MR1: variants seen among roughly 807,000 people sequenced by gnomAD.
MR1 encodes the protein major histocompatibility complex, class I-related.
In MR1, 44 loss-of-function variants were observed where a neutral mutation model predicts 37.8. That is an observed-to-expected ratio of 1.16 (90% CI 0.91 to 1.50). The LOEUF is 1.50. Among genes scored for constraint, MR1 ranks in the 40% most tolerant of loss-of-function variants. The pLI, the probability that MR1 is intolerant of heterozygous loss-of-function variation, is 0.00. For missense variants in MR1, 386 were observed against 419.1 expected (o/e 0.92, Z 0.69); for synonymous variants, 153 against 155.8 (o/e 0.98, Z 0.13).
At chr1:181,044,161 C>T (rs1266072935) in intron 1 of MR1, among the ~76,000 whole-genome samples, 1 of 152,010 alleles carries the variant, frequency 6.6e-6, no homozygotes, top group Non-Finnish European at 1.5e-5. Context: ...GACGGGGTTT[C>T]ACCATGTTAG....
chr1:181,034,117 G>A (rs1657151647), intron 1 of MR1, 43 bp downstream of exon 1: 1 of 1,584,200 alleles, frequency 6.3e-7, no homozygotes, highest in African/African-American at 1.4e-5. Context: ...CCAAAGTCGA[G>A]GCAGCCTAGA....
intron 1 of MR1, among the ~76,000 whole-genome samples, chr1:181,047,138 G>A (rs368200776): frequency 2.0e-5 from 3 of 152,188 alleles, no homozygotes; most frequent in African/African-American, 4.8e-5. Context: ...TTGGACAAGC[G>A]GAGAGAAGTT....
At chr1:181,035,720 C>G (rs552781063) in intron 1 of MR1, among the ~76,000 whole-genome samples, 1 of 152,258 alleles carries the variant, frequency 6.6e-6, no homozygotes, top group Non-Finnish European at 1.5e-5. Flanking sequence ...CTAGATTTTT[C>G]TCTAGGCCTA....
chr1:181,045,416 A>G (rs1176122972), intron 1 of MR1, among the ~76,000 whole-genome samples: 3 of 151,784 alleles, frequency 2.0e-5, no homozygotes, highest in African/African-American at 7.3e-5. Flanking sequence ...TCTGCCCGTG[A>G]CGCCTGTCAC....
chr1:181,039,484 C>T (rs1479747534), intron 1 of MR1, among the ~76,000 whole-genome samples: 1 of 152,180 alleles, frequency 6.6e-6, no homozygotes, highest in Non-Finnish European at 1.5e-5. Flanking sequence ...ACTGTAAGTT[C>T]CTGGAGGAAA....
At position 181,059,854 on chromosome 1, in the gene MR1, G is replaced by C. The variant is rs927581004; in HGVS notation, c.*4589G>C. The C allele has an allele frequency of 3.3e-5, 5 of 152,232 alleles. No individual in the cohort carries two copies. The highest frequency in any genetic ancestry group is 2.0e-4 in the Admixed American group (3 of 15,284). The allele number at this position is 152,232 out of a possible 1,614,324, so 9.4% of individuals were successfully genotyped here. Reference sequence around the variant, plus strand: ...CCAACACTCAATAGGAAGATTGTCAGAGTTACATTGTAAGAAGAGCATGTA... The same window carrying C: ...CCAACACTCAATAGGAAGATTGTCACAGTTACATTGTAAGAAGAGCATGTA... On this transcript the variant is annotated 3_prime_UTR_variant, in exon 6 of 6. Transcript: ENST00000367580.
At chr1:181,050,390 C>T (rs192945085) in intron 3 of MR1, 104 bp downstream of exon 3, 4 of 1,441,512 alleles carry the variant, frequency 2.8e-6, no homozygotes, top group Non-Finnish European at 3.8e-6. Context: ...AAAGCCATCT[C>T]TTTAGTTGGC....
In MR1 at chr1:181,034,087, C is replaced by T. The variant is rs549247360; in HGVS notation, c.67+13C>T. On this transcript the variant is annotated intron_variant, in intron 1 of 5. Coordinates refer to ENST00000367580, the MANE Select transcript of MR1 (RefSeq NM_001385161.1). ...CACAGCGATTCCCGTGAGTATCCCA[C>T]GTCCTCTTCTCTCCTAACTCCAAAG... The T allele has an allele frequency of 7.3e-4, 1,178 of 1,609,796 alleles. 17 individuals are homozygous for T. In the South Asian group the frequency reaches 0.012, roughly 16 times the overall value.
intron 1 of MR1, among the ~76,000 whole-genome samples, chr1:181,048,776 C>T (rs1229376879): frequency 2.6e-5 from 4 of 152,198 alleles, no homozygotes; most frequent in Non-Finnish European, 5.9e-5. Context: ...TAGCAGCACT[C>T]TATATTTTGT....
intron 1 of MR1, among the ~76,000 whole-genome samples, chr1:181,042,617 C>A (rs1193318845): frequency 6.6e-6 from 1 of 151,376 alleles, no homozygotes; most frequent in Non-Finnish European, 1.5e-5. Context: ...GCCTGGCCAA[C>A]GTGGCAAAAA....
chr1:181,050,405 T>A (rs1658245062), intron 3 of MR1, 119 bp downstream of exon 3: 6 of 1,303,940 alleles, frequency 4.6e-6, no homozygotes, highest in Non-Finnish European at 6.4e-6. Flanking sequence ...GTTGGCCTAT[T>A]GTGATCTCAT....
chr1:181,051,802 T>C (rs999231700), intron 3 of MR1, among the ~76,000 whole-genome samples: 3 of 152,194 alleles, frequency 2.0e-5, no homozygotes, highest in African/African-American at 7.2e-5. Flanking sequence ...TGAGTGGGGA[T>C]GGCTGTGTTA....
intron 1 of MR1, among the ~76,000 whole-genome samples, chr1:181,047,137 C>T (rs540725591): frequency 1.3e-5 from 2 of 152,150 alleles, no homozygotes; most frequent in African/African-American, 4.8e-5. Flanking sequence ...CTTGGACAAG[C>T]GGAGAGAAGT....
At chr1:181,043,393 C>T (rs1315675306) in intron 1 of MR1, among the ~76,000 whole-genome samples, 1 of 152,196 alleles carries the variant, frequency 6.6e-6, no homozygotes, top group African/African-American at 2.4e-5. Flanking sequence ...AACTGCTACA[C>T]CCCAGCTCCA....
At chr1:181,038,442 T>C (rs1657385708) in intron 1 of MR1, among the ~76,000 whole-genome samples, 1 of 152,256 alleles carries the variant, frequency 6.6e-6, no homozygotes. Flanking sequence ...CCAGGAATCA[T>C]AATCATTTTG....
At chr1:181,042,319 C>T (rs1330188101) in intron 1 of MR1, among the ~76,000 whole-genome samples, 1 of 151,282 alleles carries the variant, frequency 6.6e-6, no homozygotes, top group African/African-American at 2.4e-5. Context: ...TCTCCTGCCT[C>T]ACCTCCCTAG....
At chr1:181,042,885 A>G (rs1657644483) in intron 1 of MR1, among the ~76,000 whole-genome samples, 1 of 152,176 alleles carries the variant, frequency 6.6e-6, no homozygotes, top group African/African-American at 2.4e-5. Flanking sequence ...AAAGTGTTTC[A>G]CCAACAATTT....
intron 5 of MR1, 138 bp downstream of exon 5, chr1:181,053,815 C>A: frequency 1.6e-6 from 1 of 641,564 alleles, no homozygotes; most frequent in Non-Finnish European, 2.8e-6. Context: ...GGACCTGGGA[C>A]AACCCTCCCA....
At chr1:181,050,444 G>A (rs1274357042) in intron 3 of MR1, 158 bp downstream of exon 3, 2 of 895,812 alleles carry the variant, frequency 2.2e-6, no homozygotes, top group Non-Finnish European at 1.7e-6. Context: ...AACTTTCCCT[G>A]GTTACTTTTG....
Sources: gnomAD v4.1 joint callset for allele counts (sites outside exome capture counted in the v4.1 genomes callset) on GRCh38, gnomAD v4.1.1 for gene constraint, MANE v1.5 for transcripts, NCBI Gene and HGNC (gene_info 2026-07-23, HGNC 2026-07-21) for gene names.